Variants in RBPMS observed in about 807,000 individuals in gnomAD.
The protein encoded by RBPMS is RNA-binding protein with multiple splicing.
Under a neutral mutation model 26.8 loss-of-function variants are expected in RBPMS, and 7 were observed. The ratio of observed to expected loss-of-function variants is 0.26; its 90% CI spans 0.15 to 0.49. The LOEUF is 0.49. RBPMS is among the 20% of genes least tolerant of loss of function. The pLI is 0.98. For missense variants in RBPMS, 186 were observed against 250.0 expected (o/e 0.74, Z 1.73); for synonymous variants, 96 against 93.3 (o/e 1.03, Z -0.17).
chr8:30,511,184 G>T (rs574749486), intron 5 of RBPMS, among the ~76,000 whole-genome samples: 5 of 151,848 alleles, frequency 3.3e-5, no homozygotes, highest in Admixed American at 3.3e-4. Flanking sequence ...GCGTGGCAGC[G>T]CTCACCTGTA....
intron 4 of RBPMS, among the ~76,000 whole-genome samples, chr8:30,481,825 T>C (rs1424538458): frequency 1.3e-5 from 2 of 152,206 alleles, no homozygotes; most frequent in Non-Finnish European, 2.9e-5. Context: ...CTATGTAAAG[T>C]AGTAGAGGTA....
chr8:30,491,010 C>T (rs1819332793), intron 4 of RBPMS, among the ~76,000 whole-genome samples: 1 of 152,150 alleles, frequency 6.6e-6, no homozygotes, highest in Admixed American at 6.5e-5. Flanking sequence ...AAGGAGGTTG[C>T]AAGCCATTTG....
At chr8:30,482,805 T>C (rs1359847524) in intron 4 of RBPMS, among the ~76,000 whole-genome samples, 2 of 152,190 alleles carry the variant, frequency 1.3e-5, no homozygotes, top group Non-Finnish European at 1.5e-5. Context: ...TTAACTCACT[T>C]TGTAATTTCT....
intron 1 of RBPMS, chr8:30,453,635 T>C (rs916898027): frequency 1.3e-5 from 2 of 152,192 alleles, no homozygotes; most frequent in South Asian, 4.1e-4. Flanking sequence ...TAAAATCTAA[T>C]TGCAAATCTG....
chr8:30,444,243 T>G (rs1220852696), intron 1 of RBPMS, among the ~76,000 whole-genome samples: 1 of 152,224 alleles, frequency 6.6e-6, no homozygotes, highest in Non-Finnish European at 1.5e-5. Context: ...ATAGGTAACA[T>G]AATACAGCAA....
rs564497435 is a variant in RBPMS at position 30,448,436 on chromosome 8, C to T, written c.67-26343C>T. ...CAAGATGAGCTGTCCTGCCTGTTTT[C>T]AGTACTAGTCTTAAAACCAGGTCCT... On this transcript the variant is annotated intron_variant, in intron 1 of 8. Coordinates refer to ENST00000397323, the MANE Select transcript of RBPMS (RefSeq NM_001008710.3). Among the ~76,000 whole-genome samples the T allele has an allele frequency of 3.9e-5, 6 of 152,300 alleles. No individual in the cohort carries two copies. The South Asian group carries it at 1.2e-3, about 32-fold the overall frequency.
At chr8:30,550,776 G>A (rs1438160977) in intron 6 of RBPMS, among the ~76,000 whole-genome samples, 1 of 152,220 alleles carries the variant, frequency 6.6e-6, no homozygotes, top group African/African-American at 2.4e-5. Flanking sequence ...AACCAGGCTG[G>A]ACACGGCCAC....
chr8:30,547,626 AT>A, intron 6 of RBPMS: 2 of 652,950 alleles, frequency 3.1e-6, no homozygotes, highest in Non-Finnish European at 4.7e-6. Context: ...CACCAAGTCT[AT>A]TTTACATAGA....
chr8:30,448,167 T>G (rs1166864907), intron 1 of RBPMS, among the ~76,000 whole-genome samples: 1 of 152,270 alleles, frequency 6.6e-6, no homozygotes, highest in East Asian at 1.9e-4. Flanking sequence ...TTAGGCTTGT[T>G]CTAAATGTTT....
intron 7 of RBPMS, 136 bp from the exon 8 acceptor site, chr8:30,566,121 C>A: frequency 8.9e-6 from 2 of 225,136 alleles, no homozygotes; most frequent in Non-Finnish European, 1.5e-5. Context: ...CTCAGCTCAG[C>A]AGCAGAGGCC....
At chr8:30,556,199 T>C in intron 6 of RBPMS, 1 of 985,398 alleles carries the variant, frequency 1.0e-6, no homozygotes. Flanking sequence ...CCACATCCAC[T>C]CTGAGGAGCA....
chr8:30,491,947 A>G (rs999383668), intron 4 of RBPMS, among the ~76,000 whole-genome samples: 4 of 152,096 alleles, frequency 2.6e-5, no homozygotes, highest in East Asian at 1.9e-4. Flanking sequence ...CTGGAGTGCA[A>G]TGGCACAATC....
intron 4 of RBPMS, among the ~76,000 whole-genome samples, chr8:30,482,054 A>G (rs912031586): frequency 4.6e-5 from 7 of 152,230 alleles, no homozygotes; most frequent in African/African-American, 1.4e-4. Flanking sequence ...TTAATTCACA[A>G]TGTCCAGGAC....
intron 1 of RBPMS, among the ~76,000 whole-genome samples, chr8:30,441,395 TA>T (rs1714122915): frequency 6.6e-6 from 1 of 152,148 alleles, no homozygotes; most frequent in African/African-American, 2.4e-5. Context: ...TCATGGTAGC[TA>T]AAATTGCAGA....
chr8:30,540,192 A>G (rs914003408), intron 5 of RBPMS, among the ~76,000 whole-genome samples: 3 of 152,156 alleles, frequency 2.0e-5, no homozygotes, highest in Admixed American at 2.0e-4. Flanking sequence ...AAGCCAGGCA[A>G]GAGGAGGGGG....
chr8:30,507,717 T>C (rs1052312494), intron 5 of RBPMS, among the ~76,000 whole-genome samples: 1 of 152,218 alleles, frequency 6.6e-6, no homozygotes, highest in Non-Finnish European at 1.5e-5. Context: ...TTCTCTTAGA[T>C]TGTGCATTAG....
chr8:30,524,084 A>G (rs1212777072), intron 5 of RBPMS, among the ~76,000 whole-genome samples: 10 of 152,058 alleles, frequency 6.6e-5, no homozygotes, highest in Non-Finnish European at 1.5e-4. Flanking sequence ...TTTGTTTAGC[A>G]TGATTCTGTT....
intron 5 of RBPMS, among the ~76,000 whole-genome samples, chr8:30,541,493 A>G (rs370488076): frequency 6.6e-6 from 1 of 152,194 alleles, no homozygotes; most frequent in African/African-American, 2.4e-5. Context: ...GATTGGTGCA[A>G]TGGGAAAGGA....
At chr8:30,556,432 C>T in intron 6 of RBPMS, 2 of 985,852 alleles carry the variant, frequency 2.0e-6, no homozygotes, top group Non-Finnish European at 2.4e-6. Context: ...TGGGGCAGGG[C>T]TTCCTTCTCG....
Sources: allele counts gnomAD v4.1 joint callset (sites outside exome capture counted in the v4.1 genomes callset), GRCh38; gene constraint gnomAD v4.1.1; transcripts MANE v1.5; gene names NCBI Gene and HGNC (gene_info 2026-07-23, HGNC 2026-07-21).